The following CABLES1 variants were observed in gnomAD, a reference collection of about 807,000 sequenced individuals.
CABLES1 encodes Cdk5 and Abl enzyme substrate 1, also known as CDK5 and ABL1 enzyme substrate 1.
A neutral mutation model predicts 57.8 loss-of-function variants in CABLES1; 36 were observed. The ratio of observed to expected loss-of-function variants is 0.62; its 90% CI spans 0.48 to 0.82. The LOEUF (loss-of-function observed/expected upper bound fraction) is 0.82, where lower values mean the gene tolerates loss of function less well. Among genes scored for constraint, CABLES1 ranks in the 40% least tolerant of loss-of-function variants. The pLI, the probability that CABLES1 is intolerant of heterozygous loss-of-function variation, is 0.00. For synonymous variants in CABLES1, 374 were observed against 363.0 expected, an observed-to-expected ratio of 1.03 and a Z score of -0.35; for missense variants, 767 against 836.6, an observed-to-expected ratio of 0.92 and a Z score of 1.03.
At chr18:23,146,059 A>G (rs2046889927) in intron 1 of CABLES1, among the ~76,000 whole-genome samples, 1 of 152,280 alleles carries the variant, frequency 6.6e-6, no homozygotes. Context: ...CTAGTAAAAT[A>G]TTCAAAAATG....
intron 1 of CABLES1, among the ~76,000 whole-genome samples, chr18:23,172,226 CATCTT>C (rs2047087762): frequency 6.6e-6 from 1 of 152,200 alleles, no homozygotes; most frequent in African/African-American, 2.4e-5. Flanking sequence ...ATGACAATGA[CATCTT>C]AACACGGTAG....
intron 4 of CABLES1, among the ~76,000 whole-genome samples, chr18:23,227,605 G>C (rs1318319467): frequency 1.3e-5 from 2 of 152,138 alleles, no homozygotes; most frequent in African/African-American, 4.8e-5. Flanking sequence ...AACTCTGGAG[G>C]CACCTTCTGC....
chr18:23,148,786 G>C (rs2046909266), intron 1 of CABLES1, among the ~76,000 whole-genome samples: 1 of 152,210 alleles, frequency 6.6e-6, no homozygotes, highest in East Asian at 1.9e-4. Flanking sequence ...TTAAGACGGT[G>C]AGTTTAATCC....
chr18:23,173,683 C>T (rs1168158408), intron 1 of CABLES1, among the ~76,000 whole-genome samples: 1 of 152,190 alleles, frequency 6.6e-6, no homozygotes. Flanking sequence ...ACTATTTTGG[C>T]TGGGCGCAGT....
Position 23,253,071 on chromosome 18 carries a change from G to A in CABLES1, c.1553+5G>A, listed in dbSNP as rs773581937. ...GACACTCAGCAAAATTAGGAGGTAC[G>A]GGAGGCTGGACTTGCCTGTGACCTT... On this transcript the variant is annotated splice_donor_5th_base_variant and intron_variant, in intron 8 of 9. Coordinates refer to ENST00000256925, the MANE Select transcript of CABLES1 (RefSeq NM_001100619.3). The A allele has an allele frequency of 4.4e-6, 7 of 1,575,206 alleles. No individual in the cohort carries two copies. The highest frequency in any genetic ancestry group is 2.2e-5 in the South Asian group (2 of 90,230).
At chr18:23,173,954 TTC>T (rs1030198843) in intron 1 of CABLES1, among the ~76,000 whole-genome samples, 2 of 152,166 alleles carry the variant, frequency 1.3e-5, no homozygotes, top group Non-Finnish European at 2.9e-5. Context: ...TAGAGTGAGA[TTC>T]TGTCTCGAAA....
At chr18:23,152,260 T>C (rs4239437) in intron 1 of CABLES1, among the ~76,000 whole-genome samples, 122,881 of 152,066 alleles carry the variant, frequency 0.81, 50,032 homozygotes, top group African/African-American at 0.88. Context: ...AAAATGCTAC[T>C]TGGCAGAAAA....
intron 4 of CABLES1, among the ~76,000 whole-genome samples, chr18:23,216,534 A>G (rs554591935): frequency 1.3e-4 from 20 of 152,312 alleles, no homozygotes; most frequent in African/African-American, 4.3e-4. Flanking sequence ...CAAGGACCCC[A>G]TATTTCTGAC....
intron 7 of CABLES1, among the ~76,000 whole-genome samples, chr18:23,248,430 C>T (rs1249250709): frequency 2.0e-5 from 3 of 151,444 alleles, no homozygotes; most frequent in Non-Finnish European, 2.9e-5. Context: ...TCTGCAGCCC[C>T]GACCACTCAG....
intron 3 of CABLES1, chr18:23,196,822 C>G (rs2047286678): frequency 6.6e-6 from 1 of 152,276 alleles, no homozygotes; most frequent in Admixed American, 6.5e-5. Flanking sequence ...CAGCCTCAGT[C>G]ACATCTGTGC....
intron 7 of CABLES1, among the ~76,000 whole-genome samples, chr18:23,251,774 A>G (rs1166414913): frequency 2.0e-5 from 3 of 152,200 alleles, no homozygotes; most frequent in Non-Finnish European, 4.4e-5. Context: ...ACATGCTACA[A>G]TGAGATTGAC....
At chr18:23,209,574 C>T (rs1224090500) in intron 3 of CABLES1, among the ~76,000 whole-genome samples, 3 of 152,138 alleles carry the variant, frequency 2.0e-5, no homozygotes, top group African/African-American at 7.2e-5. Flanking sequence ...TTGGGCTTCA[C>T]TGTATTCACC....
intron 1 of CABLES1, among the ~76,000 whole-genome samples, chr18:23,145,708 A>G (rs1446014582): frequency 6.6e-6 from 1 of 152,108 alleles, no homozygotes; most frequent in Non-Finnish European, 1.5e-5. Context: ...TTGTATTTTT[A>G]TGTTTGTTTG....
chr18:23,200,930 C>T (rs762593255), intron 3 of CABLES1, among the ~76,000 whole-genome samples: 10 of 152,284 alleles, frequency 6.6e-5, no homozygotes, highest in East Asian at 5.8e-4. Flanking sequence ...GTGGTATTCC[C>T]GCCAGCGTTA....
chr18:23,244,548 TTAGA>T (rs1193638593), intron 7 of CABLES1, among the ~76,000 whole-genome samples: 1 of 152,218 alleles, frequency 6.6e-6, no homozygotes, highest in Non-Finnish European at 1.5e-5. Flanking sequence ...CTGTTGGTGG[TTAGA>T]TAGATTTAGT....
At chr18:23,206,890 A>G (rs991622632) in intron 3 of CABLES1, among the ~76,000 whole-genome samples, 4 of 149,166 alleles carry the variant, frequency 2.7e-5, no homozygotes, top group Non-Finnish European at 5.9e-5. Flanking sequence ...AGCCCACTGC[A>G]GCCTTGAACT....
chr18:23,232,292 T>C (rs181818937), intron 4 of CABLES1, among the ~76,000 whole-genome samples: 1 of 152,180 alleles, frequency 6.6e-6, no homozygotes, highest in Admixed American at 6.5e-5. Context: ...TATTTGGGAG[T>C]TGGGAATTTG....
chr18:23,224,251 C>T (rs948286838), intron 4 of CABLES1, among the ~76,000 whole-genome samples: 1 of 151,960 alleles, frequency 6.6e-6, no homozygotes, highest in African/African-American at 2.4e-5. Flanking sequence ...TTCATCCCCA[C>T]TCCTGCCATC....
Position 23,254,077 on chromosome 18 carries a change from CCCA to C in CABLES1, c.1761+142_1761+144del, listed in dbSNP as rs2048105877. 2.0e-5 allele frequency: 14 copies of C among 689,016 alleles called. No homozygotes were observed. In the South Asian group the frequency reaches 2.5e-4, roughly 12 times the overall value. 42.7% of individuals were successfully genotyped at this position (689,016 alleles called of 1,614,324 possible). A position where few individuals can be genotyped will look rare whatever the true frequency, so the allele number is the denominator to read the frequency against. On this transcript the variant is annotated intron_variant, in intron 9 of 9. Transcript: ENST00000256925. ...TTGAGGTGAAGGCTATGAAGTCTTT[CCCA>C]TAGTGGGAATAGTCAGGCTATCTTA...
Sources: allele counts gnomAD v4.1 joint callset (sites outside exome capture counted in the v4.1 genomes callset), GRCh38; gene constraint gnomAD v4.1.1; transcripts MANE v1.5; gene names NCBI Gene and HGNC (gene_info 2026-07-23, HGNC 2026-07-21).